PALLD: variants seen among roughly 807,000 people sequenced by gnomAD.
PALLD encodes the protein palladin, cytoskeletal associated protein, also known as palladin.
In PALLD, 61 loss-of-function variants were observed where a neutral mutation model predicts 123.5. The observed-to-expected ratio is 0.49, with a 90% CI of 0.40 to 0.61. The LOEUF is 0.61. Among genes scored for constraint, PALLD ranks in the 20% least tolerant of loss-of-function variants. The probability of loss-of-function intolerance (pLI) is 0.00; values close to 1 mark genes in which losing one functional copy is unlikely to be tolerated. For missense variants in PALLD, 1,273 were observed against 1,377.0 expected, an observed-to-expected ratio of 0.92 and a Z score of 1.20; for synonymous variants, 465 against 496.4, an observed-to-expected ratio of 0.94 and a Z score of 0.84.
chr4:168,584,389 C>G (rs13118069), intron 2 of PALLD, among the ~76,000 whole-genome samples: 28,481 of 152,072 alleles, frequency 0.19, 2,706 homozygotes, highest in East Asian at 0.33. Flanking sequence ...GGTACTTTTA[C>G]TGGGTCTGGC....
intron 1 of PALLD, among the ~76,000 whole-genome samples, chr4:168,504,328 G>A (rs1243251391): frequency 1.3e-5 from 2 of 152,206 alleles, no homozygotes; most frequent in East Asian, 3.9e-4. Flanking sequence ...AGGCATGGTG[G>A]CTCACACCTG....
chr4:168,779,018 A>C (rs1442449990), intron 10 of PALLD, among the ~76,000 whole-genome samples: 1 of 152,230 alleles, frequency 6.6e-6, no homozygotes, highest in Non-Finnish European at 1.5e-5. Context: ...TTTTTCAGTC[A>C]TTAATGTTAT....
rs5863949 is a variant in PALLD at position 168,609,345 on chromosome 4, CAAAAAAAA to C, written c.909-58828_909-58821del. On this transcript the variant is annotated intron_variant, in intron 2 of 21. Coordinates refer to ENST00000505667, the MANE Select transcript of PALLD (RefSeq NM_001166108.2). ...AGAAAGCAGGAGTGAAAGCTGTTACCAAAAAAAAAAAAAAAAAAAAAAAAGTTCTCCAG... is the reference window on the plus strand; with the variant it reads ...AGAAAGCAGGAGTGAAAGCTGTTACCAAAAAAAAAAAAAAAAGTTCTCCAG... 3.5e-4 allele frequency among the ~76,000 whole-genome samples: 25 copies of C among 71,602 alleles called. No individual in the cohort carries two copies. In the South Asian group the frequency reaches 8.1e-3, roughly 23 times the overall value. 47.0% of individuals were successfully genotyped at this position (71,602 alleles called of 152,430 possible). A position where few individuals can be genotyped will look rare whatever the true frequency, so the allele number is the denominator to read the frequency against.
chr4:168,886,086 G>T (rs1032165731), intron 10 of PALLD, among the ~76,000 whole-genome samples: 1 of 152,108 alleles, frequency 6.6e-6, no homozygotes, highest in Non-Finnish European at 1.5e-5. Context: ...ATAATAATTT[G>T]AATTAAATGT....
rs182497462 is a variant in PALLD, at chr4:168,690,580, C to T, written c.1336-23C>T. 868 of 1,613,998 alleles carry T rather than the reference C, an allele frequency of 5.4e-4. 2 individuals carry two copies. In the African/African-American group the frequency reaches 9.4e-3, roughly 18 times the overall value. On this transcript the variant is annotated intron_variant, in intron 6 of 21. Coordinates refer to ENST00000505667, the MANE Select transcript of PALLD (RefSeq NM_001166108.2). ...ATGCACCAAAGTCTGATGGGGTTTT[C>T]CTTGAATTTCCTTGAATTTCAGGAA...
chr4:168,878,056 C>CCCGACG (rs1241404235), intron 10 of PALLD: 1 of 1,480,330 alleles, frequency 6.8e-7, no homozygotes, highest in Admixed American at 2.3e-5. Flanking sequence ...CGCCCATGTC[C>CCCGACG]CCGACGCCGA....
intron 10 of PALLD, among the ~76,000 whole-genome samples, chr4:168,840,364 C>T (rs2150921373): frequency 6.6e-6 from 1 of 152,272 alleles, no homozygotes; most frequent in South Asian, 2.1e-4. Flanking sequence ...TTGCAAATGT[C>T]TTTGAAGGGC....
At chr4:168,832,676 A>G (rs903231797) in intron 10 of PALLD, 5 of 150,602 alleles carry the variant, frequency 3.3e-5, no homozygotes, top group African/African-American at 1.2e-4. Context: ...GGTCCCCCCG[A>G]CCTGAGCCGA....
At chr4:168,762,388 G>C (rs1035962437) in intron 10 of PALLD, among the ~76,000 whole-genome samples, 1 of 152,152 alleles carries the variant, frequency 6.6e-6, no homozygotes, top group Admixed American at 6.5e-5. Context: ...TAGGAGGATT[G>C]CCTGAGCCTG....
chr4:168,779,607 G>A (rs1464943852), intron 10 of PALLD, among the ~76,000 whole-genome samples: 1 of 151,752 alleles, frequency 6.6e-6, no homozygotes, highest in Non-Finnish European at 1.5e-5. Context: ...TAGATTCTGT[G>A]ACTTATTTGG....
rs973361528 is a variant in PALLD, at chr4:168,861,242, A to G, written c.1965-29680A>G. 5.3e-5 allele frequency among the ~76,000 whole-genome samples: 8 copies of G among 151,820 alleles called. No homozygotes were observed. In the South Asian group the frequency reaches 1.7e-3, roughly 32 times the overall value. ...TGAATGCTTTTGGGAGTGTAGGACTACACTGAATAATCGAATAAATCTATT... is the reference window on the plus strand; with the variant it reads ...TGAATGCTTTTGGGAGTGTAGGACTGCACTGAATAATCGAATAAATCTATT... On this transcript the variant is annotated intron_variant, in intron 10 of 21. Transcript: ENST00000505667.
At chr4:168,812,543 C>T (rs1201017392) in intron 10 of PALLD, among the ~76,000 whole-genome samples, 7 of 152,146 alleles carry the variant, frequency 4.6e-5, no homozygotes, top group Non-Finnish European at 8.8e-5. Flanking sequence ...GAGTCATGGC[C>T]AGATGTCAGG....
At chr4:168,740,766 T>C (rs2150346252) in intron 10 of PALLD, among the ~76,000 whole-genome samples, 1 of 152,362 alleles carries the variant, frequency 6.6e-6, no homozygotes, top group African/African-American at 2.4e-5. Context: ...TCTCTTTGAA[T>C]AGATTTTCTA....
At chr4:168,629,854 G>C (rs549593395) in intron 2 of PALLD, among the ~76,000 whole-genome samples, 47 of 152,298 alleles carry the variant, frequency 3.1e-4, no homozygotes, top group African/African-American at 1.0e-3. Context: ...TGGAAGAACA[G>C]CAGAAATTTC....
intron 10 of PALLD, among the ~76,000 whole-genome samples, chr4:168,855,355 C>G (rs2151000561): frequency 6.6e-6 from 1 of 152,282 alleles, no homozygotes; most frequent in East Asian, 1.9e-4. Flanking sequence ...TCCCAGAGTG[C>G]TGGGATTACA....
intron 10 of PALLD, among the ~76,000 whole-genome samples, chr4:168,796,406 A>G (rs936984798): frequency 3.9e-5 from 6 of 152,226 alleles, no homozygotes; most frequent in African/African-American, 1.4e-4. Context: ...GGTGTCTGAC[A>G]TTCAGTTTGG....
intron 2 of PALLD, among the ~76,000 whole-genome samples, chr4:168,513,835 T>C (rs1762748877): frequency 2.0e-5 from 3 of 152,194 alleles, no homozygotes; most frequent in Non-Finnish European, 4.4e-5. Flanking sequence ...CCAGGCACAG[T>C]GGCTCATGCC....
chr4:168,642,640 G>A (rs1184054774), intron 2 of PALLD, among the ~76,000 whole-genome samples: 1 of 152,160 alleles, frequency 6.6e-6, no homozygotes, highest in Non-Finnish European at 1.5e-5. Flanking sequence ...GACCTCAGGC[G>A]ATCCACCCGC....
chr4:168,529,124 A>C (rs936507757), intron 2 of PALLD, among the ~76,000 whole-genome samples: 1 of 152,132 alleles, frequency 6.6e-6, no homozygotes, highest in Non-Finnish European at 1.5e-5. Context: ...GGGCTGGTGG[A>C]TCACCGGAGG....
Sources: gnomAD v4.1 joint callset for allele counts (sites outside exome capture counted in the v4.1 genomes callset) on GRCh38, gnomAD v4.1.1 for gene constraint, MANE v1.5 for transcripts, NCBI Gene and HGNC (gene_info 2026-07-23, HGNC 2026-07-21) for gene names.